CDH11: variants seen among roughly 807,000 people sequenced by gnomAD.
CDH11 encodes the protein cadherin 11.
Under a neutral mutation model 67.8 loss-of-function variants are expected in CDH11, and 11 were observed. The ratio of observed to expected loss-of-function variants is 0.16; its 90% CI spans 0.10 to 0.27. CDH11 has a LOEUF of 0.27. Ranked by LOEUF, CDH11 falls within the 10% of genes least tolerant of loss-of-function variation. The pLI, the probability that CDH11 is intolerant of heterozygous loss-of-function variation, is 1.00. For missense variants in CDH11, 847 were observed against 1,031.2 expected, an observed-to-expected ratio of 0.82 and a Z score of 2.45; for synonymous variants, 419 against 400.0, an observed-to-expected ratio of 1.05 and a Z score of -0.57.
At chr16:64,964,944 C>A (rs766299160) in intron 11 of CDH11, among the ~76,000 whole-genome samples, 1 of 152,004 alleles carries the variant, frequency 6.6e-6, no homozygotes, top group African/African-American at 2.4e-5. Context: ...ATGTGCACAA[C>A]GTGCAGGTTT....
intron 1 of CDH11, among the ~76,000 whole-genome samples, chr16:65,102,804 A>T (rs964885386): frequency 2.0e-5 from 3 of 152,188 alleles, no homozygotes; most frequent in African/African-American, 7.2e-5. Flanking sequence ...CTTAATATGG[A>T]TCCTTCTGTT....
At chr16:65,064,148 C>T (rs1045135116) in intron 1 of CDH11, among the ~76,000 whole-genome samples, 6 of 152,122 alleles carry the variant, frequency 3.9e-5, no homozygotes, top group Non-Finnish European at 7.4e-5. Flanking sequence ...AGAGAAGGCC[C>T]AGAGGACCTT....
chr16:64,945,685 T>A lies in CDH11; in HGVS notation c.*1918A>T. The A allele has an allele frequency of 9.6e-7, 1 of 1,039,202 alleles. No individual in the cohort carries two copies. The highest frequency in any genetic ancestry group is 1.2e-6 in the Non-Finnish European group (1 of 862,640). 64.4% of individuals were successfully genotyped at this position (1,039,202 alleles called of 1,614,324 possible). A position where few individuals can be genotyped will look rare whatever the true frequency, so the allele number is the denominator to read the frequency against. On this transcript the variant is annotated 3_prime_UTR_variant, in exon 13 of 13. Coordinates refer to ENST00000268603, the MANE Select transcript of CDH11 (RefSeq NM_001797.4). ...AAGTGACATTGTCCACAAAATGTAT[T>A]CCATTGAAGTGTTCAGCCCAATTTG...
At chr16:64,968,339 C>CT (rs1205644732) in intron 11 of CDH11, 7,962 of 656,828 alleles carry the variant, frequency 0.012, no homozygotes, top group Middle Eastern at 0.018. Flanking sequence ...TTATCTCAGT[C>CT]TTTTTTTTTT....
chr16:65,091,098 A>G (rs1398331115), intron 1 of CDH11, among the ~76,000 whole-genome samples: 1 of 152,246 alleles, frequency 6.6e-6, no homozygotes, highest in East Asian at 1.9e-4. Context: ...ACATAATTCA[A>G]TGGCCTACCT....
intron 1 of CDH11, among the ~76,000 whole-genome samples, chr16:65,108,135 C>G (rs951121689): frequency 6.6e-6 from 1 of 152,074 alleles, no homozygotes; most frequent in African/African-American, 2.4e-5. Context: ...GCTTGCGATA[C>G]AGGGCACAGG....
chr16:65,074,179 A>G (rs1458341375), intron 1 of CDH11, among the ~76,000 whole-genome samples: 1 of 152,116 alleles, frequency 6.6e-6, no homozygotes, highest in South Asian at 2.1e-4. Context: ...TTGAATGGCT[A>G]CAGAAGCAGG....
intron 12 of CDH11, among the ~76,000 whole-genome samples, chr16:64,948,322 A>C (rs900451950): frequency 2.6e-5 from 4 of 152,142 alleles, no homozygotes; most frequent in Admixed American, 1.3e-4. Flanking sequence ...ACACCCAACA[A>C]CTTGGCAGGT....
In CDH11 at chr16:65,121,693, C is replaced by T. The variant is rs1022594494; in HGVS notation, c.-298+187G>A. Among the ~76,000 whole-genome samples, 9 of 152,220 alleles carry T rather than the reference C, an allele frequency of 5.9e-5. No homozygotes were observed. Among genetic ancestry groups the T allele is most frequent in the Non-Finnish European group, 1.0e-4 (7 of 68,040 alleles). ...CGCGCCCACAGCTGGCTCCCTTCTC[C>T]CTTTCTGATTTTTAAACAAATCTCT... On this transcript the variant is annotated intron_variant, in intron 1 of 12. Coordinates refer to ENST00000268603, the MANE Select transcript of CDH11 (RefSeq NM_001797.4). The surrounding 1 kb of genome is among the most constrained non-coding windows in gnomAD (Gnocchi z 4.1).
intron 1 of CDH11, among the ~76,000 whole-genome samples, chr16:65,110,357 G>T (rs539168296): frequency 6.6e-6 from 1 of 152,188 alleles, no homozygotes; most frequent in Admixed American, 6.5e-5. Context: ...TTTCTTAGTT[G>T]AAAGCAACAG....
At chr16:65,009,114 C>T (rs2073123653) in intron 2 of CDH11, among the ~76,000 whole-genome samples, 1 of 152,102 alleles carries the variant, frequency 6.6e-6, no homozygotes, top group South Asian at 2.1e-4. Context: ...TTCCTACCCT[C>T]TACAATTTTA....
At chr16:64,979,972 C>A (rs1446080948) in intron 8 of CDH11, among the ~76,000 whole-genome samples, 1 of 152,158 alleles carries the variant, frequency 6.6e-6, no homozygotes, top group African/African-American at 2.4e-5. Flanking sequence ...TTACATAAGA[C>A]CACATGTTGT....
rs147064023 is a variant in CDH11, at chr16:64,956,248, T to C, written c.1643-5230A>G. Among the ~76,000 whole-genome samples the C allele has an allele frequency of 1.7e-4, 26 of 152,366 alleles. No individual in the cohort carries two copies. The East Asian group carries it at 4.8e-3, about 28-fold the overall frequency. Reference sequence around the variant, plus strand: ...TCCATATTGTCATCTGTGAAACTAATAATTTTAGGTTAAATTTGATTCCAT... The same window carrying C: ...TCCATATTGTCATCTGTGAAACTAACAATTTTAGGTTAAATTTGATTCCAT... On this transcript the variant is annotated intron_variant, in intron 11 of 12. Transcript: ENST00000268603.
chr16:65,045,658 G>A (rs982211980), intron 2 of CDH11, among the ~76,000 whole-genome samples: 1 of 152,018 alleles, frequency 6.6e-6, no homozygotes, highest in African/African-American at 2.4e-5. Flanking sequence ...GCCAGGAAAG[G>A]AAATGTTAAT....
At chr16:65,009,171 C>G (rs40114) in intron 2 of CDH11, among the ~76,000 whole-genome samples, 135,421 of 152,144 alleles carry the variant, frequency 0.89, 60,393 homozygotes, top group East Asian at 1. Context: ...AATACAAATA[C>G]ACACAATAGC....
chr16:65,100,463 A>T (rs1431367978), intron 1 of CDH11, among the ~76,000 whole-genome samples: 1 of 152,114 alleles, frequency 6.6e-6, no homozygotes, highest in East Asian at 1.9e-4. Context: ...AACTGGCTGG[A>T]CATGGTGGCT....
At chr16:65,040,583 CATT>C (rs1053559263) in intron 2 of CDH11, among the ~76,000 whole-genome samples, 2 of 152,032 alleles carry the variant, frequency 1.3e-5, no homozygotes, top group Admixed American at 1.3e-4. Flanking sequence ...GGAGGGATGG[CATT>C]AGGAGATATA....
intron 4 of CDH11, 140 bp downstream of exon 4, chr16:64,998,422 G>A (rs544818538): frequency 1.3e-6 from 1 of 786,540 alleles, no homozygotes; most frequent in Non-Finnish European, 2.1e-6. Flanking sequence ...AGGAACAAAA[G>A]AATTTTTGTT....
At chr16:65,038,484 G>A (rs190446110) in intron 2 of CDH11, among the ~76,000 whole-genome samples, 3 of 152,230 alleles carry the variant, frequency 2.0e-5, no homozygotes, top group African/African-American at 7.2e-5. Flanking sequence ...TGATTTAAGT[G>A]TCTTTAATCT....
Sources: gnomAD v4.1 joint callset for allele counts (sites outside exome capture counted in the v4.1 genomes callset) on GRCh38, gnomAD v4.1.1 for gene constraint, Gnocchi (gnomAD v3.1) non-coding constraint, MANE v1.5 for transcripts, NCBI Gene and HGNC (gene_info 2026-07-23, HGNC 2026-07-21) for gene names.